Variants in SSH2 observed in about 807,000 individuals in gnomAD.
The protein encoded by SSH2 is slingshot protein phosphatase 2, also known as protein phosphatase Slingshot homolog 2.
In SSH2, 37 loss-of-function variants were observed where a neutral mutation model predicts 135.2. The observed-to-expected ratio is 0.27, with a 90% CI of 0.21 to 0.36. The LOEUF (loss-of-function observed/expected upper bound fraction) is 0.36. Among genes scored for constraint, SSH2 ranks in the 10% least tolerant of loss-of-function variants. The probability of loss-of-function intolerance (pLI) is 1.00; values close to 1 mark genes in which losing one functional copy is unlikely to be tolerated. For synonymous variants in SSH2, 628 were observed against 646.2 expected, an observed-to-expected ratio of 0.97 and a Z score of 0.43; for missense variants, 1,408 against 1,765.3, an observed-to-expected ratio of 0.80 and a Z score of 3.63.
chr17:29,696,994 T>A (rs2038786448), intron 4 of SSH2, among the ~76,000 whole-genome samples: 1 of 152,080 alleles, frequency 6.6e-6, no homozygotes, highest in African/African-American at 2.4e-5. Flanking sequence ...AATGAGAGTA[T>A]ATATTAAGTA....
intron 13 of SSH2, among the ~76,000 whole-genome samples, chr17:29,649,427 G>T (rs1264737943): frequency 6.6e-6 from 1 of 151,534 alleles, no homozygotes; most frequent in African/African-American, 2.4e-5. Context: ...CCTAAACCCA[G>T]GCTCAAGTGC....
intron 1 of SSH2, among the ~76,000 whole-genome samples, chr17:29,911,464 T>A (rs1424181728): frequency 6.6e-6 from 1 of 152,162 alleles, no homozygotes; most frequent in Non-Finnish European, 1.5e-5. Flanking sequence ...CATAAATGAC[T>A]ACGTGAGGTA....
intron 11 of SSH2, among the ~76,000 whole-genome samples, chr17:29,659,696 T>C (rs780268163): frequency 3.3e-5 from 5 of 151,476 alleles, no homozygotes; most frequent in Non-Finnish European, 5.9e-5. Context: ...GCTAATTTTG[T>C]TTTTTGTATT....
chr17:29,849,619 G>A (rs2065513985), intron 1 of SSH2, among the ~76,000 whole-genome samples: 1 of 151,632 alleles, frequency 6.6e-6, no homozygotes. Flanking sequence ...TTTAGAGATA[G>A]GCTATAGAAT....
At chr17:29,819,138 A>G (rs1233718437) in intron 2 of SSH2, among the ~76,000 whole-genome samples, 2 of 152,082 alleles carry the variant, frequency 1.3e-5, no homozygotes, top group African/African-American at 4.8e-5. Flanking sequence ...AGGCAGGAGA[A>G]TCACTTGAAC....
intron 2 of SSH2, among the ~76,000 whole-genome samples, chr17:29,810,921 A>AT (rs1183852488): frequency 3.3e-5 from 5 of 151,474 alleles, no homozygotes; most frequent in Admixed American, 6.6e-5. Context: ...AAACATTATG[A>AT]TTTTTTTTTG....
intron 1 of SSH2, 41 bp from the exon 2 acceptor site, chr17:29,848,970 G>A: frequency 7.3e-7 from 1 of 1,375,902 alleles, no homozygotes; most frequent in East Asian, 2.5e-5. Context: ...CCAAACGAAT[G>A]GGCCCATAAG....
chr17:29,929,895 G>A, intron 1 of SSH2, 43 bp downstream of exon 1: 2 of 1,532,564 alleles, frequency 1.3e-6, no homozygotes, highest in Non-Finnish European at 8.8e-7. Context: ...AAGCGGAGCC[G>A]CAGTGACAGA....
intron 1 of SSH2, among the ~76,000 whole-genome samples, chr17:29,897,543 A>C (rs1379956564): frequency 6.6e-6 from 1 of 152,198 alleles, no homozygotes; most frequent in Non-Finnish European, 1.5e-5. Flanking sequence ...GCCATTACAT[A>C]ATGGTAAAGG....
In SSH2 at chr17:29,703,040, C is replaced by A; in HGVS notation, c.211G>T (p.Val71Phe). ...PRSISESFLT[V>F]KGAALFLPRG... ...GGTAGAAAAAGGGCAGCACCTTTGA[C>A]AGTTAGAAAGCTCTCGCTGATGCTA... The change falls in exon 4 of 16, where the codon GTC becomes TTC. Residue 71 changes from valine to phenylalanine, a missense_variant. Coordinates refer to ENST00000540801, the MANE Select transcript of SSH2 (RefSeq NM_001282129.2). 6.2e-7 allele frequency: 1 copy of A among 1,613,528 alleles called. No homozygotes were observed. Among genetic ancestry groups the A allele is most frequent in the South Asian group, 1.1e-5 (1 of 91,058 alleles).
intron 2 of SSH2, among the ~76,000 whole-genome samples, chr17:29,804,817 CTA>C (rs1468938517): frequency 6.9e-6 from 1 of 143,974 alleles, no homozygotes; most frequent in African/African-American, 2.5e-5. Flanking sequence ...GTAGCCAGGA[CTA>C]TAGGTGCATA....
intron 5 of SSH2, among the ~76,000 whole-genome samples, chr17:29,693,700 AC>A (rs2038593099): frequency 6.6e-6 from 1 of 152,232 alleles, no homozygotes; most frequent in South Asian, 2.1e-4. Flanking sequence ...AGGATATAAA[AC>A]ATTTAAAAAA....
At position 29,630,201 on chromosome 17, in the gene SSH2, T is replaced by A. The variant is rs187363963; in HGVS notation, c.*640A>T. ...TGTTTTAATTTCAAAAATAATTTTC[T>A]TGGGAAAAAAACTATATGATAAATT... On this transcript the variant is annotated 3_prime_UTR_variant, in exon 16 of 16. Transcript: ENST00000540801. 2.6e-5 allele frequency: 4 copies of A among 152,294 alleles called. No homozygotes were observed. The highest frequency in any genetic ancestry group is 9.6e-5 in the African/African-American group (4 of 41,554). 9.4% of individuals were successfully genotyped at this position (152,294 alleles called of 1,614,324 possible).
In SSH2 at chr17:29,791,949, G is replaced by T. The variant is rs559844135; in HGVS notation, c.188+1945C>A. Among the ~76,000 whole-genome samples, 215 of 140,108 alleles carry T rather than the reference G, an allele frequency of 1.5e-3. 2 individuals are homozygous for T. The highest frequency in any genetic ancestry group is 5.6e-3 in the African/African-American group (211 of 37,492). The allele number at this position is 140,108 out of a possible 152,430, so 91.9% of individuals were successfully genotyped here. ...TTTTTTTTTTTTTTAGTAAGACAGA[G>T]TCTCACTTTGTTGCCCAGACTGGAG... On this transcript the variant is annotated intron_variant, in intron 3 of 15. Coordinates refer to ENST00000540801, the MANE Select transcript of SSH2 (RefSeq NM_001282129.2).
rs755325691 is a variant in SSH2, at chr17:29,667,031, A to C, written c.904-36T>G. ...GATGATATATTGGACCCATCTCTTA[A>C]AGTCCCTCTGTACTTTCAACCATGC... On this transcript the variant is annotated intron_variant, in intron 10 of 15. Coordinates refer to ENST00000540801, the MANE Select transcript of SSH2 (RefSeq NM_001282129.2). 1.9e-6 allele frequency: 3 copies of C among 1,613,744 alleles called. No homozygotes were observed. In the South Asian group the frequency reaches 3.3e-5, roughly 18 times the overall value.
chr17:29,771,487 T>C (rs1338639712), intron 3 of SSH2, among the ~76,000 whole-genome samples: 1 of 152,214 alleles, frequency 6.6e-6, no homozygotes, highest in Non-Finnish European at 1.5e-5. Flanking sequence ...AATCAGTACA[T>C]TAATGATGGA....
chr17:29,925,528 C>T (rs2067048943), intron 1 of SSH2: 1 of 398,386 alleles, frequency 2.5e-6, no homozygotes, highest in Non-Finnish European at 4.4e-6. Flanking sequence ...CCAGCCTGGG[C>T]AGCAAGACCC....
chr17:29,696,184 C>T (rs965669698), intron 4 of SSH2, among the ~76,000 whole-genome samples: 8 of 124,518 alleles, frequency 6.4e-5, no homozygotes, highest in African/African-American at 1.8e-4. Context: ...TACACACACA[C>T]ACACACACAC....
intron 8 of SSH2, among the ~76,000 whole-genome samples, chr17:29,675,031 T>C (rs1056722351): frequency 6.6e-6 from 1 of 152,228 alleles, no homozygotes; most frequent in Non-Finnish European, 1.5e-5. Context: ...TTTATCGTTG[T>C]TACTGCTGTT....
Sources: allele counts gnomAD v4.1 joint callset (sites outside exome capture counted in the v4.1 genomes callset), GRCh38; gene constraint gnomAD v4.1.1; transcripts MANE v1.5; gene names NCBI Gene and HGNC (gene_info 2026-07-23, HGNC 2026-07-21).